The following SLC35F1 variants were observed in gnomAD, a reference collection of about 807,000 sequenced individuals.
SLC35F1 encodes the protein solute carrier family 35 member F1, also known as chromosome 6 open reading frame 169.
In SLC35F1, 14 loss-of-function variants were observed where a neutral mutation model predicts 48.7. The ratio of observed to expected loss-of-function variants is 0.29; its 90% confidence interval spans 0.19 to 0.45. SLC35F1 has a LOEUF of 0.45. SLC35F1 is among the 20% of genes least tolerant of loss of function. The pLI is 1.00. For missense variants in SLC35F1, 404 were observed against 500.0 expected (o/e 0.81, Z 1.83); for synonymous variants, 190 against 202.2 (o/e 0.94, Z 0.51).
At chr6:118,205,678 C>T (rs1774926158) in intron 2 of SLC35F1, among the ~76,000 whole-genome samples, 1 of 152,174 alleles carries the variant, frequency 6.6e-6, no homozygotes, top group African/African-American at 2.4e-5. Context: ...GGGACTCAAA[C>T]AGGTATTTGT....
At chr6:118,215,408 A>G (rs114577493) in intron 2 of SLC35F1, among the ~76,000 whole-genome samples, 189 of 152,242 alleles carry the variant, frequency 1.2e-3, no homozygotes, top group African/African-American at 4.3e-3. Context: ...TTTAACTAAT[A>G]TGTATTAAAG....
rs749158720 is a variant in SLC35F1 at position 117,987,976 on chromosome 6, C to T, written c.173+80077C>T. Among the ~76,000 whole-genome samples the T allele has an allele frequency of 7.2e-5, 11 of 152,202 alleles. No homozygotes were observed. In the South Asian group the frequency reaches 8.3e-4, roughly 11 times the overall value. ...GGGATGTGCAGTTAGAGCCCAACAG[C>T]GGTGGGCCATTCATAAAGGGATGAC... On this transcript the variant is annotated intron_variant, in intron 1 of 7. Transcript: ENST00000360388.
intron 1 of SLC35F1, among the ~76,000 whole-genome samples, chr6:117,926,334 C>A (rs539347040): frequency 6.6e-6 from 1 of 152,240 alleles, no homozygotes; most frequent in African/African-American, 2.4e-5. Flanking sequence ...TTATAAGTTT[C>A]CTGAGACCTC....
chr6:118,112,148 G>A (rs1773416443), intron 1 of SLC35F1, among the ~76,000 whole-genome samples: 1 of 112,710 alleles, frequency 8.9e-6, no homozygotes, highest in African/African-American at 3.8e-5. Flanking sequence ...TTTCTTTTTT[G>A]AGACGGTGTC....
intron 1 of SLC35F1, among the ~76,000 whole-genome samples, chr6:118,115,801 C>CA (rs1773469361): frequency 2.0e-5 from 3 of 151,998 alleles, no homozygotes. Context: ...CATTTGTTGA[C>CA]AAAATGACAG....
intron 2 of SLC35F1, among the ~76,000 whole-genome samples, chr6:118,231,229 G>T (rs1375704547): frequency 6.6e-6 from 1 of 152,040 alleles, no homozygotes; most frequent in African/African-American, 2.4e-5. Context: ...AATAAAAATA[G>T]TAAACAGAAT....
At chr6:117,934,715 G>A (rs890899737) in intron 1 of SLC35F1, among the ~76,000 whole-genome samples, 2 of 152,092 alleles carry the variant, frequency 1.3e-5, no homozygotes, top group African/African-American at 2.4e-5. Flanking sequence ...TTCTGATATT[G>A]TACAAAACAA....
chr6:118,012,334 A>G (rs1181948786), intron 1 of SLC35F1, among the ~76,000 whole-genome samples: 2 of 151,706 alleles, frequency 1.3e-5, no homozygotes, highest in Admixed American at 6.6e-5. Context: ...GGGAAAAAAA[A>G]AAAAAAGAAA....
intron 2 of SLC35F1, among the ~76,000 whole-genome samples, chr6:118,207,561 T>C (rs920857717): frequency 2.0e-5 from 3 of 152,076 alleles, no homozygotes; most frequent in Non-Finnish European, 2.9e-5. Flanking sequence ...TAGACATCAG[T>C]ATGGAAAGAA....
At chr6:118,251,327 T>A (rs995695202) in intron 3 of SLC35F1, among the ~76,000 whole-genome samples, 20 of 145,784 alleles carry the variant, frequency 1.4e-4, no homozygotes, top group Admixed American at 2.7e-4. Flanking sequence ...GTTTTTTAAA[T>A]TTTTTTTTTT....
chr6:117,998,204 C>A (rs1247957996), intron 1 of SLC35F1, among the ~76,000 whole-genome samples: 2 of 147,516 alleles, frequency 1.4e-5, no homozygotes, highest in African/African-American at 2.5e-5. Context: ...GTAAAGGGAT[C>A]AATTCAACAA....
intron 1 of SLC35F1, among the ~76,000 whole-genome samples, chr6:118,148,775 G>A (rs530078906): frequency 1.1e-3 from 170 of 152,094 alleles, no homozygotes; most frequent in Non-Finnish European, 1.3e-3. Context: ...AATTCCAACC[G>A]GCACCATATT....
intron 1 of SLC35F1, among the ~76,000 whole-genome samples, chr6:118,039,246 A>T (rs1460163242): frequency 6.6e-6 from 1 of 152,098 alleles, no homozygotes; most frequent in Non-Finnish European, 1.5e-5. Context: ...TTTTATATGT[A>T]ACATATCATT....
rs1775548596 is a variant in SLC35F1, at chr6:118,249,674, T to A, written c.477+14038T>A. On this transcript the variant is annotated intron_variant, in intron 3 of 7. Transcript: ENST00000360388. ...GGTACAGTCTTAAGGCCACTGAGAC[T>A]TTTTAAGACTCAATGAGAATGCATA... 2.6e-5 allele frequency among the ~76,000 whole-genome samples: 4 copies of A among 152,238 alleles called. No homozygotes were observed. In the South Asian group the frequency reaches 8.3e-4, roughly 32 times the overall value.
At chr6:118,207,586 A>G (rs1774951936) in intron 2 of SLC35F1, among the ~76,000 whole-genome samples, 1 of 152,134 alleles carries the variant, frequency 6.6e-6, no homozygotes, top group Admixed American at 6.6e-5. Flanking sequence ...GGGCTGGGGG[A>G]TGTGCAGGGA....
At position 118,015,803 on chromosome 6, in the gene SLC35F1, C is replaced by T. The variant is rs557128856; in HGVS notation, c.173+107904C>T. Among the ~76,000 whole-genome samples, 6 of 152,274 alleles carry T rather than the reference C, an allele frequency of 3.9e-5. No individual in the cohort carries two copies. The East Asian group carries it at 7.7e-4, about 20-fold the overall frequency. ...ACACTTCTAAATTTTTTTATGACCT[C>T]ACCCTTACCCCATGCCACACTTCTT... On this transcript the variant is annotated intron_variant, in intron 1 of 7. Transcript: ENST00000360388.
At chr6:118,236,645 T>C (rs1202084512) in intron 3 of SLC35F1, among the ~76,000 whole-genome samples, 5 of 152,232 alleles carry the variant, frequency 3.3e-5, no homozygotes. Flanking sequence ...TGAAAGTAAT[T>C]AATGGTAGCA....
intron 1 of SLC35F1, among the ~76,000 whole-genome samples, chr6:118,012,651 A>G (rs1367363288): frequency 1.3e-5 from 2 of 152,194 alleles, no homozygotes; most frequent in African/African-American, 4.8e-5. Context: ...CTGTAATTCA[A>G]TGAGAATGGT....
intron 1 of SLC35F1, among the ~76,000 whole-genome samples, chr6:117,957,132 T>G (rs1011651918): frequency 3.3e-5 from 5 of 152,210 alleles, no homozygotes; most frequent in Admixed American, 2.0e-4. Flanking sequence ...GTGTCATCAT[T>G]TTTTCTTCCA....
Sources: allele counts gnomAD v4.1 joint callset (sites outside exome capture counted in the v4.1 genomes callset), GRCh38; gene constraint gnomAD v4.1.1; transcripts MANE v1.5; gene names NCBI Gene and HGNC (gene_info 2026-07-23, HGNC 2026-07-21).